The following TSHR variants were observed in gnomAD, a reference collection of about 807,000 sequenced individuals.
The protein encoded by TSHR is thyroid stimulating hormone receptor, also known as thyrotropin receptor.
TSHR carries 51 observed loss-of-function variants against 64.1 expected under a neutral mutation model. The ratio of observed to expected loss-of-function variants is 0.80; its 90% CI spans 0.64 to 1.01. The LOEUF (loss-of-function observed/expected upper bound fraction) is 1.01. Ranked by LOEUF, TSHR falls within the 50% of genes least tolerant of loss-of-function variation. The pLI, the probability that TSHR is intolerant of heterozygous loss-of-function variation, is 0.00. For synonymous variants in TSHR, 361 were observed against 361.9 expected, an observed-to-expected ratio of 1.00 and a Z score of 0.03; for missense variants, 877 against 942.8, an observed-to-expected ratio of 0.93 and a Z score of 0.91.
At chr14:81,132,844 T>C (rs1891304555) in intron 8 of TSHR, among the ~76,000 whole-genome samples, 1 of 135,864 alleles carries the variant, frequency 7.4e-6, no homozygotes, top group Non-Finnish European at 1.5e-5. Flanking sequence ...CTTTATATTC[T>C]TCTTACTCAG....
intron 1 of TSHR, among the ~76,000 whole-genome samples, chr14:81,057,815 G>A (rs1021005969): frequency 2.0e-5 from 3 of 152,162 alleles, no homozygotes; most frequent in Admixed American, 2.0e-4. Context: ...TCTCTGCCAC[G>A]GCAAAGAAGA....
At chr14:81,025,148 G>A (rs908158603) in intron 1 of TSHR, among the ~76,000 whole-genome samples, 1 of 152,092 alleles carries the variant, frequency 6.6e-6, no homozygotes, top group East Asian at 1.9e-4. Context: ...GACTGTGAAT[G>A]GTACATGTGC....
rs973022737 is a variant in TSHR at position 81,146,295 on chromosome 14, T to A, written c.*1942T>A. Reference sequence around the variant, plus strand: ...TGAAATAAATTTTCTTCCTATGGAATAATCGTGCCAAGTCCTAGAGTGTTG... The same window carrying A: ...TGAAATAAATTTTCTTCCTATGGAAAAATCGTGCCAAGTCCTAGAGTGTTG... On this transcript the variant is annotated 3_prime_UTR_variant, in exon 10 of 10. Coordinates refer to ENST00000298171, the MANE Select transcript of TSHR (RefSeq NM_000369.5). The A allele has an allele frequency of 5.1e-6, 1 of 194,720 alleles. No homozygotes were observed. Among genetic ancestry groups the A allele is most frequent in the Non-Finnish European group, 1.1e-5 (1 of 93,478 alleles). 12.1% of individuals were successfully genotyped at this position (194,720 alleles called of 1,614,324 possible). A position where few individuals can be genotyped will look rare whatever the true frequency, so the allele number is the denominator to read the frequency against.
At chr14:80,982,428 T>G (rs1888221705) in intron 1 of TSHR, 1 of 1,232,698 alleles carries the variant, frequency 8.1e-7, no homozygotes, top group Non-Finnish European at 1.1e-6. Flanking sequence ...CCCAGGTCTG[T>G]GCTGAGGAGT....
intron 1 of TSHR, among the ~76,000 whole-genome samples, chr14:80,981,649 G>A (rs1450991786): frequency 6.6e-6 from 1 of 152,182 alleles, no homozygotes; most frequent in East Asian, 1.9e-4. Context: ...TCACTAGGGA[G>A]TTAACTAAGA....
rs191145139 is a variant in TSHR at position 81,095,976 on chromosome 14, G to C, written c.546-663G>C. Among the ~76,000 whole-genome samples the C allele has an allele frequency of 1.6e-3, 238 of 151,172 alleles. 1 individual carries two copies. Among genetic ancestry groups the C allele is most frequent in the Middle Eastern group, 0.014 (4 of 294 alleles). ...GATCGCTTAAGCCCAGGGACTCAAG[G>C]CTGCAGTGAGCCGTGATTGAGCCAG... is the stretch of plus-strand genomic sequence containing the variant. On this transcript the variant is annotated intron_variant, in intron 6 of 9. Coordinates refer to ENST00000298171, the MANE Select transcript of TSHR (RefSeq NM_000369.5).
intron 1 of TSHR, among the ~76,000 whole-genome samples, chr14:80,961,144 G>T (rs1421766999): frequency 2.0e-5 from 3 of 152,200 alleles, no homozygotes; most frequent in Admixed American, 2.0e-4. Flanking sequence ...CCCCACTGAA[G>T]AGGGGCCATA....
chr14:81,139,719 G>A lies in TSHR; in HGVS notation c.733G>A (p.Gly245Ser), dbSNP rs189506473. ...CAGTGTCACTGCCCTTCCATCCAAA[G>A]GCCTGGAGCACCTGAAGGAACTGAT... is the stretch of plus-strand genomic sequence containing the variant. The part of the protein sequence containing the change: ...QTSVTALPSK[G>S]LEHLKELIAR... The change falls in exon 9 of 10, where the codon GGC becomes AGC. Residue 245 changes from glycine to serine, a missense_variant. Physicochemically the swap from Gly to Ser is moderately conservative, Grantham distance 56. Transcript: ENST00000298171. The A allele has an allele frequency of 3.3e-5, 54 of 1,614,160 alleles. No homozygotes were observed. In the East Asian group the frequency reaches 1.1e-3, roughly 33 times the overall value.
intron 1 of TSHR, among the ~76,000 whole-genome samples, chr14:81,037,674 A>G (rs978693858): frequency 6.6e-6 from 1 of 152,124 alleles, no homozygotes; most frequent in Non-Finnish European, 1.5e-5. Flanking sequence ...AATGGAAGCC[A>G]AAAGACTACA....
chr14:81,085,878 T>C (rs942976857), intron 3 of TSHR, among the ~76,000 whole-genome samples: 3 of 152,130 alleles, frequency 2.0e-5, no homozygotes, highest in Non-Finnish European at 4.4e-5. Flanking sequence ...TCAACAGAGA[T>C]TGATAGTCTC....
Position 81,103,806 on chromosome 14 carries a change from T to C in TSHR, c.615-4569T>C, listed in dbSNP as rs1861272. The C allele has an allele frequency of 0.65, 636,097 of 985,208 alleles. 206,322 individuals carry two copies. The highest frequency in any genetic ancestry group is 0.73 in the Middle Eastern group (1,406 of 1,914). 61.0% of individuals were successfully genotyped at this position (985,208 alleles called of 1,614,324 possible). A position where few individuals can be genotyped will look rare whatever the true frequency, so the allele number is the denominator to read the frequency against. On this transcript the variant is annotated intron_variant, in intron 7 of 9. Coordinates refer to ENST00000298171, the MANE Select transcript of TSHR (RefSeq NM_000369.5). This position sits in a 1 kb window ranked among gnomAD's most constrained non-coding sequence, Gnocchi z 4.1. ...TGGGGATATGTTGCTTCTCACAGAA[T>C]GTCTGATTCTCTGTATCACATTTCC...
At chr14:80,969,359 G>A (rs916228426) in intron 1 of TSHR, among the ~76,000 whole-genome samples, 14 of 152,294 alleles carry the variant, frequency 9.2e-5, no homozygotes, top group African/African-American at 3.1e-4. Context: ...TGGTAGATCA[G>A]GTATTTTATA....
In TSHR at chr14:81,139,737, G is replaced by C. The variant is rs746685925; in HGVS notation, c.751G>C (p.Glu251Gln). The C allele has an allele frequency of 6.2e-7, 1 of 1,614,186 alleles. No individual in the cohort carries two copies. Among genetic ancestry groups the C allele is most frequent in the Non-Finnish European group, 8.5e-7 (1 of 1,180,034 alleles). ...ATCCAAAGGCCTGGAGCACCTGAAG[G>C]AACTGATAGCAAGAAACACCTGGAC... ...LPSKGLEHLK[E>Q]LIARNTWTLK... Residue 251 changes from glutamate (E) to glutamine (Q), a missense_variant, in exon 9 of 10, where the codon GAA becomes CAA. By Grantham distance (29) the Glu-to-Gln change is conservative. Coordinates refer to ENST00000298171, the MANE Select transcript of TSHR (RefSeq NM_000369.5).
intron 8 of TSHR, among the ~76,000 whole-genome samples, chr14:81,131,290 A>T (rs1198801251): frequency 1.3e-5 from 2 of 152,128 alleles, no homozygotes; most frequent in Non-Finnish European, 2.9e-5. Context: ...CATTTTCAGT[A>T]TCTCCACTGC....
At position 81,062,131 on chromosome 14, in the gene TSHR, A is replaced by G; in HGVS notation, c.171-17A>G. 1 of 1,601,616 alleles carries G rather than the reference A, an allele frequency of 6.2e-7. No homozygotes were observed. On this transcript the variant is annotated splice_polypyrimidine_tract_variant and intron_variant, in intron 1 of 9. Transcript: ENST00000298171. ...CCAATGATTAAAACTCTAATTATGT[A>G]ACTGTTATTTTCACAGGAAGCTTAT...
At chr14:80,975,264 G>A (rs1887808722) in intron 1 of TSHR, among the ~76,000 whole-genome samples, 1 of 152,106 alleles carries the variant, frequency 6.6e-6, no homozygotes, top group Non-Finnish European at 1.5e-5. Flanking sequence ...TTAAAACAAA[G>A]CAACACAAAT....
intron 1 of TSHR, among the ~76,000 whole-genome samples, chr14:80,981,622 G>A (rs1277877164): frequency 6.6e-6 from 1 of 152,158 alleles, no homozygotes; most frequent in Non-Finnish European, 1.5e-5. Context: ...TTCCTGTAGA[G>A]ATCTGTAGGT....
intron 8 of TSHR, among the ~76,000 whole-genome samples, chr14:81,129,773 C>G (rs1044492827): frequency 6.6e-6 from 1 of 152,210 alleles, no homozygotes; most frequent in Non-Finnish European, 1.5e-5. Context: ...CCTTTCTCCT[C>G]TCTTCCGTAT....
chr14:81,050,651 G>T (rs1394787621), intron 1 of TSHR: 2 of 152,230 alleles, frequency 1.3e-5, no homozygotes, highest in East Asian at 3.9e-4. Context: ...ATCCTATAAA[G>T]ATAATAATAG....
Sources: gnomAD v4.1 joint callset for allele counts (sites outside exome capture counted in the v4.1 genomes callset) on GRCh38, gnomAD v4.1.1 for gene constraint, Gnocchi (gnomAD v3.1) non-coding constraint, MANE v1.5 for transcripts, NCBI Gene and HGNC (gene_info 2026-07-23, HGNC 2026-07-21) for gene names.